NRXN1: variants seen among roughly 807,000 people sequenced by gnomAD.
NRXN1 encodes neurexin 1, also known as neurexin-1.
A neutral mutation model predicts 150.9 loss-of-function variants in NRXN1; 39 were observed. The observed-to-expected ratio is 0.26, with a 90% confidence interval of 0.20 to 0.34. The LOEUF (loss-of-function observed/expected upper bound fraction) is 0.34, where lower values mean the gene tolerates loss of function less well. Ranked by LOEUF, NRXN1 falls within the 10% of genes least tolerant of loss-of-function variation. NRXN1 has a pLI of 1.00. For synonymous variants in NRXN1, 924 were observed against 757.0 expected, an observed-to-expected ratio of 1.22 and a Z score of -3.62; for missense variants, 1,815 against 1,949.9, an observed-to-expected ratio of 0.93 and a Z score of 1.30.
intron 17 of NRXN1, among the ~76,000 whole-genome samples, chr2:50,283,142 A>C (rs959173254): frequency 1.3e-5 from 2 of 152,188 alleles, no homozygotes; most frequent in African/African-American, 4.8e-5. Flanking sequence ...GAATGAATCA[A>C]GTGAATATAA....
chr2:50,919,995 T>C (rs1167569952), intron 5 of NRXN1: 1 of 405,462 alleles, frequency 2.5e-6, no homozygotes, highest in Non-Finnish European at 5.3e-6. Flanking sequence ...AATATAGATT[T>C]GTTGAATTAA....
chr2:50,949,441 TA>T (rs903327678), intron 2 of NRXN1, among the ~76,000 whole-genome samples: 2 of 151,992 alleles, frequency 1.3e-5, no homozygotes, highest in Non-Finnish European at 2.9e-5. Flanking sequence ...ACATACTCTT[TA>T]AAAATATTAT....
At chr2:50,586,577 A>T (rs1241131523) in intron 8 of NRXN1, among the ~76,000 whole-genome samples, 3 of 151,870 alleles carry the variant, frequency 2.0e-5, no homozygotes, top group African/African-American at 7.3e-5. Context: ...TAAAAAAAAA[A>T]GTAGACTAAT....
At chr2:50,523,290 C>G (rs7581256) in intron 12 of NRXN1, among the ~76,000 whole-genome samples, 1 of 151,958 alleles carries the variant, frequency 6.6e-6, no homozygotes, top group Non-Finnish European at 1.5e-5. Flanking sequence ...TCCCTTATTC[C>G]TTGAGCAGCT....
intron 17 of NRXN1, among the ~76,000 whole-genome samples, chr2:50,252,232 C>CTTTTT (rs1238465700): frequency 8.4e-5 from 1 of 11,888 alleles, no homozygotes; most frequent in East Asian, 3.1e-3. Flanking sequence ...TACATTTTGT[C>CTTTTT]CTTTTTTTTT....
At chr2:50,814,234 GA>G (rs1178358418) in intron 5 of NRXN1, among the ~76,000 whole-genome samples, 1 of 151,920 alleles carries the variant, frequency 6.6e-6, no homozygotes, top group East Asian at 1.9e-4. Context: ...TGGCCTCAAG[GA>G]ATCCTCCTGC....
intron 15 of NRXN1, among the ~76,000 whole-genome samples, chr2:50,476,514 C>G (rs1429023580): frequency 6.6e-6 from 1 of 151,774 alleles, no homozygotes; most frequent in Non-Finnish European, 1.5e-5. Flanking sequence ...CATAAAGCAT[C>G]TAGTATACAG....
At chr2:49,995,861 T>C (rs1199420665) in intron 21 of NRXN1, among the ~76,000 whole-genome samples, 1 of 66,174 alleles carries the variant, frequency 1.5e-5, no homozygotes, top group African/African-American at 5.4e-5. Flanking sequence ...TGCTGGATAG[T>C]AAAAAAAAAA....
chr2:50,261,485 G>T (rs1194572768), intron 17 of NRXN1, among the ~76,000 whole-genome samples: 1 of 151,736 alleles, frequency 6.6e-6, no homozygotes, highest in East Asian at 1.9e-4. Flanking sequence ...AGAATAAAGT[G>T]TTGGCCAAAA....
intron 2 of NRXN1, among the ~76,000 whole-genome samples, chr2:51,019,206 C>G (rs1669210418): frequency 6.6e-6 from 1 of 152,038 alleles, no homozygotes; most frequent in Non-Finnish European, 1.5e-5. Flanking sequence ...TACTTGGACC[C>G]AAATCCCAGC....
chr2:50,372,575 C>A (rs973184970), intron 17 of NRXN1, among the ~76,000 whole-genome samples: 2 of 152,126 alleles, frequency 1.3e-5, no homozygotes, highest in Admixed American at 1.3e-4. Context: ...GAACAAAAAA[C>A]CTCAGATTTA....
Position 50,083,910 on chromosome 2 carries a change from G to A in NRXN1, c.3718+7413C>T, listed in dbSNP as rs61348570. ...GTAGACATAAAGGTTCTCCAAGTCCGCACCAGATCAGCTAGACACAGAGCG... is the reference window on the plus strand; with the variant it reads ...GTAGACATAAAGGTTCTCCAAGTCCACACCAGATCAGCTAGACACAGAGCG... On this transcript the variant is annotated intron_variant, in intron 19 of 22. Coordinates refer to ENST00000401669, the MANE Select transcript of NRXN1 (RefSeq NM_001330078.2). Among the ~76,000 whole-genome samples the A allele has an allele frequency of 3.3e-5, 5 of 151,364 alleles. No individual in the cohort carries two copies. In the East Asian group the frequency reaches 7.9e-4, roughly 24 times the overall value.
chr2:50,122,164 G>T (rs765456546), intron 18 of NRXN1, among the ~76,000 whole-genome samples: 1 of 152,110 alleles, frequency 6.6e-6, no homozygotes. Context: ...AATTCCATTT[G>T]TTTACCAAAA....
At chr2:50,310,588 A>G (rs1172594157) in intron 17 of NRXN1, among the ~76,000 whole-genome samples, 1 of 152,190 alleles carries the variant, frequency 6.6e-6, no homozygotes, top group East Asian at 1.9e-4. Flanking sequence ...AGAATAATAA[A>G]TCAATTTAAA....
At chr2:49,990,340 G>T (rs1207943412) in intron 21 of NRXN1, among the ~76,000 whole-genome samples, 1 of 152,184 alleles carries the variant, frequency 6.6e-6, no homozygotes, top group Non-Finnish European at 1.5e-5. Context: ...GCACAGCGAG[G>T]AAAGACAAAA....
At chr2:50,426,584 G>A (rs1375694700) in intron 17 of NRXN1, among the ~76,000 whole-genome samples, 1 of 152,172 alleles carries the variant, frequency 6.6e-6, no homozygotes, top group Non-Finnish European at 1.5e-5. Flanking sequence ...AAGCATATCT[G>A]AGTTCTTCCA....
chr2:50,031,243 G>T (rs889049659), intron 21 of NRXN1, among the ~76,000 whole-genome samples: 1 of 151,976 alleles, frequency 6.6e-6, no homozygotes, highest in Admixed American at 6.6e-5. Context: ...TGCTTGGAAG[G>T]AATCTTTTGC....
At chr2:51,001,176 G>A (rs971921715) in intron 2 of NRXN1, among the ~76,000 whole-genome samples, 3 of 133,710 alleles carry the variant, frequency 2.2e-5, no homozygotes, top group African/African-American at 8.3e-5. Flanking sequence ...AGCTCAAATC[G>A]AGTTTACTGC....
At chr2:50,196,263 G>A (rs962028354) in intron 18 of NRXN1, among the ~76,000 whole-genome samples, 53 of 152,020 alleles carry the variant, frequency 3.5e-4, no homozygotes, top group Non-Finnish European at 6.2e-4. Context: ...TTCACTCCCT[G>A]AAGTCACTCA....
Sources: allele counts gnomAD v4.1 joint callset (sites outside exome capture counted in the v4.1 genomes callset), GRCh38; gene constraint gnomAD v4.1.1; transcripts MANE v1.5; gene names NCBI Gene and HGNC (gene_info 2026-07-23, HGNC 2026-07-21).